Variants in ITPR1 observed in about 807,000 individuals in gnomAD.
The protein encoded by ITPR1 is inositol 1,4,5-trisphosphate-gated calcium channel ITPR1.
Under a neutral mutation model 318.4 loss-of-function variants are expected in ITPR1, and 96 were observed. The observed-to-expected ratio is 0.30, with a 90% CI of 0.26 to 0.36. The LOEUF is 0.36. Among genes scored for constraint, ITPR1 ranks in the 10% least tolerant of loss-of-function variants. The probability of loss-of-function intolerance (pLI) is 1.00; values close to 1 mark genes in which losing one functional copy is unlikely to be tolerated. For synonymous variants in ITPR1, 1,312 were observed against 1,289.9 expected (o/e 1.02, Z -0.37); for missense variants, 2,440 against 3,460.2 (o/e 0.71, Z 7.40).
chr3:4,525,490 C>T (rs2082906125), intron 4 of ITPR1, among the ~76,000 whole-genome samples: 2 of 152,102 alleles, frequency 1.3e-5, no homozygotes, highest in South Asian at 4.1e-4. Flanking sequence ...TATCTCTTGC[C>T]TCTAACTTCC....
At chr3:4,711,602 T>C in intron 38 of ITPR1, 155 bp from the exon 39 acceptor site, 1 of 592,714 alleles carries the variant, frequency 1.7e-6, no homozygotes, top group Non-Finnish European at 3.0e-6. Context: ...TAACTGGCTG[T>C]TCTCAGTGCA....
chr3:4,802,618 T>C (rs1161614679), intron 54 of ITPR1, among the ~76,000 whole-genome samples: 10 of 150,016 alleles, frequency 6.7e-5, no homozygotes. Context: ...AGGCCAGGAG[T>C]TCAAGACCAG....
rs375770679 is a variant in ITPR1 at position 4,693,624 on chromosome 3, C to G, written c.4164C>G (p.Val1388=). 7 of 1,614,000 alleles carry G rather than the reference C, an allele frequency of 4.3e-6. No homozygotes were observed. Among genetic ancestry groups the G allele is most frequent in the Non-Finnish European group, 5.9e-6 (7 of 1,179,900 alleles). Residue 1388 remains valine, a synonymous_variant, in exon 33 of 62, where the codon GTC becomes GTG. Transcript: ENST00000649015. Reference sequence around the variant, plus strand: ...CTCTCATGTACCACATCCACTTGGTCGAGCTCCTGGCTGTGTGCACGGAGG... The same window carrying G: ...CTCTCATGTACCACATCCACTTGGTGGAGCTCCTGGCTGTGTGCACGGAGG... ...NSPLMYHIHL[V]ELLAVCTEGK...
intron 4 of ITPR1, among the ~76,000 whole-genome samples, chr3:4,551,559 A>T (rs1329247903): frequency 1.3e-5 from 2 of 152,212 alleles, no homozygotes; most frequent in East Asian, 1.9e-4. Flanking sequence ...TTCAGGGCTG[A>T]CGTTGGTTCT....
rs375234629 is a variant in ITPR1 at position 4,669,718 on chromosome 3, C to A, written c.1951C>A (p.Leu651Met). 1 of 1,613,288 alleles carries A rather than the reference C, an allele frequency of 6.2e-7. No homozygotes were observed. Among genetic ancestry groups the A allele is most frequent in the Admixed American group, 1.7e-5 (1 of 60,014 alleles). ...CAAATCAATTCCAGTGACCCAGGAA[C>A]TGATATGTAAAGCTGTGCTGAACCC... ...MNKSIPVTQELICKAVLNPTN... is the reference protein window; with the variant it reads ...MNKSIPVTQEMICKAVLNPTN... The change falls in exon 19 of 62, where the codon CTG becomes ATG. Residue 651 changes from leucine (L) to methionine (M), a missense_variant. By Grantham distance (15) the Leu-to-Met change is conservative. Around this residue, in one of 23 missense-constraint regions of ITPR1, gnomAD observed 478 missense variants for 696.3 expected, o/e 0.69. Coordinates refer to ENST00000649015, the MANE Select transcript of ITPR1 (RefSeq NM_001378452.1).
At chr3:4,704,281 G>A (rs1225282988) in intron 36 of ITPR1, among the ~76,000 whole-genome samples, 9 of 152,148 alleles carry the variant, frequency 5.9e-5, no homozygotes, top group Admixed American at 2.0e-4. Context: ...GCATGGCGGC[G>A]CATGCCTGTA....
chr3:4,533,135 A>G (rs1156843033), intron 4 of ITPR1, among the ~76,000 whole-genome samples: 1 of 152,168 alleles, frequency 6.6e-6, no homozygotes, highest in Non-Finnish European at 1.5e-5. Flanking sequence ...TAGACAAGAA[A>G]CTCTCTGGAA....
At chr3:4,608,149 A>G (rs181727570) in intron 4 of ITPR1, among the ~76,000 whole-genome samples, 2 of 152,114 alleles carry the variant, frequency 1.3e-5, no homozygotes, top group South Asian at 2.1e-4. Context: ...CACTGCTACA[A>G]TTTTCTCAAT....
At chr3:4,784,367 G>A (rs1002659253) in intron 51 of ITPR1, among the ~76,000 whole-genome samples, 2 of 152,142 alleles carry the variant, frequency 1.3e-5, no homozygotes, top group East Asian at 1.9e-4. Flanking sequence ...TAGGTGATCC[G>A]GAGGGGCTAA....
chr3:4,603,981 T>TGTAA (rs2091502920), intron 4 of ITPR1, among the ~76,000 whole-genome samples: 1 of 152,226 alleles, frequency 6.6e-6, no homozygotes, highest in Non-Finnish European at 1.5e-5. Flanking sequence ...CTGCAACCTC[T>TGTAA]CTAACATCTG....
intron 38 of ITPR1, among the ~76,000 whole-genome samples, chr3:4,711,233 A>AG (rs2041343900): frequency 6.6e-6 from 1 of 150,462 alleles, no homozygotes; most frequent in Non-Finnish European, 1.5e-5. Context: ...AAAAAAAAAA[A>AG]AAGAGATTTT....
At chr3:4,719,829 G>GA (rs1231182072) in intron 40 of ITPR1, among the ~76,000 whole-genome samples, 4 of 152,164 alleles carry the variant, frequency 2.6e-5, no homozygotes, top group Non-Finnish European at 5.9e-5. Context: ...CCAGGAAGAG[G>GA]AGGGGTTGTT....
intron 33 of ITPR1, 118 bp from the exon 34 acceptor site, chr3:4,697,029 C>G: frequency 1.3e-6 from 1 of 770,700 alleles, no homozygotes; most frequent in Non-Finnish European, 2.1e-6. Context: ...AGAAGTAAGA[C>G]TTGGCAGTGG....
rs771633662 is a variant in ITPR1 at position 4,847,009 on chromosome 3, A to G, written c.*784A>G. ...TTTTTTAAAGGGAACTTTCTATGCA[A>G]TGTTCAGGATAAATGCATACTGCTG... On this transcript the variant is annotated 3_prime_UTR_variant, in exon 62 of 62. Coordinates refer to ENST00000649015, the MANE Select transcript of ITPR1 (RefSeq NM_001378452.1). 2 of 152,754 alleles carry G rather than the reference A, an allele frequency of 1.3e-5. No homozygotes were observed. Among genetic ancestry groups the G allele is most frequent in the East Asian group, 1.9e-4 (1 of 5,190 alleles). The allele number at this position is 152,754 out of a possible 1,614,324, so 9.5% of individuals were successfully genotyped here.
At chr3:4,611,930 A>G (rs2092146471) in intron 4 of ITPR1, among the ~76,000 whole-genome samples, 2 of 148,430 alleles carry the variant, frequency 1.3e-5, no homozygotes, top group South Asian at 4.2e-4. Flanking sequence ...GTGGCTTTCC[A>G]TGTCTGAAGG....
chr3:4,551,842 AT>A (rs1462474126), intron 4 of ITPR1, among the ~76,000 whole-genome samples: 2 of 152,342 alleles, frequency 1.3e-5, no homozygotes, highest in East Asian at 3.9e-4. Context: ...GTCGTATCTT[AT>A]TTTTTGACTA....
At chr3:4,583,044 T>G (rs1231595297) in intron 4 of ITPR1, among the ~76,000 whole-genome samples, 2 of 152,284 alleles carry the variant, frequency 1.3e-5, no homozygotes, top group East Asian at 3.9e-4. Flanking sequence ...TTTAAAATTT[T>G]CTCAGCATGT....
chr3:4,727,179 T>C lies in ITPR1; in HGVS notation c.5220+6T>C. 3.1e-6 allele frequency: 5 copies of C among 1,587,602 alleles called. No homozygotes were observed. Among genetic ancestry groups the C allele is most frequent in the Non-Finnish European group, 4.3e-6 (5 of 1,171,758 alleles). On this transcript the variant is annotated splice_donor_region_variant and intron_variant, in intron 42 of 61. Coordinates refer to ENST00000649015, the MANE Select transcript of ITPR1 (RefSeq NM_001378452.1). ...AGCTGGAAGACCATAAAAGGGTACGTAGTCTTGAGTCTTGGGTATCGGGAG... is the reference window on the plus strand; with the variant it reads ...AGCTGGAAGACCATAAAAGGGTACGCAGTCTTGAGTCTTGGGTATCGGGAG...
At chr3:4,590,380 G>A (rs9834393) in intron 4 of ITPR1, among the ~76,000 whole-genome samples, 107,499 of 151,208 alleles carry the variant, frequency 0.71, 39,297 homozygotes, top group Non-Finnish European at 0.82. Flanking sequence ...TAGTATTTAT[G>A]ATGAATGAGA....
Sources: allele counts gnomAD v4.1 joint callset (sites outside exome capture counted in the v4.1 genomes callset), GRCh38; gene constraint gnomAD v4.1.1; regional missense constraint gnomAD v4.1.1; transcripts MANE v1.5; gene names NCBI Gene and HGNC (gene_info 2026-07-23, HGNC 2026-07-21).